Variants in ELF1 observed in about 807,000 individuals in gnomAD.
The protein encoded by ELF1 is ETS-related transcription factor Elf-1.
A neutral mutation model predicts 59.9 loss-of-function variants in ELF1; 24 were observed. The observed-to-expected ratio is 0.40, with a 90% CI of 0.29 to 0.56. The LOEUF (loss-of-function observed/expected upper bound fraction) is 0.56. ELF1 is among the 20% of genes least tolerant of loss of function. The pLI, the probability that ELF1 is intolerant of heterozygous loss-of-function variation, is 0.44. For missense variants in ELF1, 627 were observed against 742.2 expected (o/e 0.84, Z 1.80); for synonymous variants, 248 against 266.2 (o/e 0.93, Z 0.67).
Position 40,968,335 on chromosome 13 carries a change from G to A in ELF1, c.73-9319C>T, listed in dbSNP as rs1186411217. Among the ~76,000 whole-genome samples the A allele has an allele frequency of 5.3e-5, 8 of 152,264 alleles. 1 individual carries two copies. In the East Asian group the frequency reaches 1.5e-3, roughly 29 times the overall value. The stretch of plus-strand genomic sequence containing the variant: ...ATAAACACACACAAAAAATTAGGGT[G>A]ACTGGTGAACAAAGTGAAAAGTTGA... On this transcript the variant is annotated intron_variant, in intron 2 of 8. Transcript: ENST00000239882.
upstream of ELF1, among the ~76,000 whole-genome samples, chr13:41,023,165 A>T (rs1392660960): frequency 6.6e-6 from 1 of 152,232 alleles, no homozygotes; most frequent in African/African-American, 2.4e-5. Flanking sequence ...ACTAAATTTC[A>T]GATACTATTT....
In ELF1 at chr13:40,980,683, A is replaced by G. The variant is rs1257328070; in HGVS notation, c.72+1300T>C. ...CCTGAGATCAAACCTCACCACATCA[A>G]GCCTAGCATCTATATACAGCATCTT... is the stretch of plus-strand genomic sequence containing the variant. On this transcript the variant is annotated intron_variant, in intron 2 of 8. Transcript: ENST00000239882. Among the ~76,000 whole-genome samples, 3 of 152,188 alleles carry G rather than the reference A, an allele frequency of 2.0e-5. No homozygotes were observed. In the South Asian group the frequency reaches 6.2e-4, roughly 32 times the overall value.
chr13:40,983,786 C>T (rs191047571), intron 1 of ELF1, among the ~76,000 whole-genome samples: 2 of 152,134 alleles, frequency 1.3e-5, no homozygotes. Flanking sequence ...AATTATTATC[C>T]AACCCAATTC....
At position 40,964,514 on chromosome 13, in the gene ELF1, G is replaced by A. The variant is rs976154304; in HGVS notation, c.73-5498C>T. 7.9e-4 allele frequency among the ~76,000 whole-genome samples: 3 copies of A among 3,782 alleles called. No homozygotes were observed. The Non-Finnish European group carries it at 0.016, about 20-fold the overall frequency. 2.5% of individuals were successfully genotyped at this position (3,782 alleles called of 152,430 possible). A position where few individuals can be genotyped will look rare whatever the true frequency, so the allele number is the denominator to read the frequency against. ...CCAAATCCAACTCCACTCACCCCCC[G>A]ACTTTTTTTAATTGAGACAGGATGG... is the stretch of plus-strand genomic sequence containing the variant. On this transcript the variant is annotated intron_variant, in intron 2 of 8. Transcript: ENST00000239882.
At chr13:41,056,050 T>A (rs1877276142) in intron 1 of ELF1, among the ~76,000 whole-genome samples, 1 of 152,202 alleles carries the variant, frequency 6.6e-6, no homozygotes, top group South Asian at 2.1e-4. Flanking sequence ...CTATTTAAAG[T>A]GTACACTTCA....
chr13:41,058,855 C>G (rs902985996), intron 1 of ELF1, among the ~76,000 whole-genome samples: 1 of 152,178 alleles, frequency 6.6e-6, no homozygotes, highest in Non-Finnish European at 1.5e-5. Context: ...TGTCTGTAGT[C>G]CCAGCTACTT....
At chr13:41,016,485 A>C (rs1046417990) in intron 1 of ELF1, among the ~76,000 whole-genome samples, 19 of 152,204 alleles carry the variant, frequency 1.2e-4, no homozygotes, top group Non-Finnish European at 2.8e-4. Context: ...TCTTATAATA[A>C]GGTCAAATTT....
At chr13:40,993,246 G>A in intron 1 of ELF1, 1 of 1,578,634 alleles carries the variant, frequency 6.3e-7, no homozygotes, top group Non-Finnish European at 8.7e-7. Flanking sequence ...ACCAACAAAA[G>A]CAACAGATGT....
chr13:40,943,893 G>C lies in ELF1; in HGVS notation c.562C>G (p.Pro188Ala), dbSNP rs757378602. The C allele has an allele frequency of 5.6e-6, 9 of 1,613,654 alleles. No homozygotes were observed. The South Asian group carries it at 8.8e-5, about 16-fold the overall frequency. ...ACAGATATATTTGGCGTAGTGGCTG[G>C]GGAATCTGGTCGTGGTGGTTTAGTT... is the stretch of plus-strand genomic sequence containing the variant. ...RKTKPPRPDS[P>A]ATTPNISVKK... The change falls in exon 6 of 9, where the codon CCA becomes GCA. Residue 188 changes from proline (P) to alanine (A), a missense_variant. Around this residue, in one of 3 missense-constraint regions of ELF1, gnomAD observed 232 missense variants for 269.2 expected, o/e 0.86. Coordinates refer to ENST00000239882, the MANE Select transcript of ELF1 (RefSeq NM_172373.4).
chr13:40,989,834 A>C (rs1477847450), intron 1 of ELF1, among the ~76,000 whole-genome samples: 1 of 152,212 alleles, frequency 6.6e-6, no homozygotes, highest in Non-Finnish European at 1.5e-5. Flanking sequence ...GATTCTAGGA[A>C]GGGGGAATTT....
At chr13:40,945,552 A>G (rs1405162694) in intron 5 of ELF1, among the ~76,000 whole-genome samples, 1 of 152,172 alleles carries the variant, frequency 6.6e-6, no homozygotes, top group African/African-American at 2.4e-5. Flanking sequence ...TTTACCAACA[A>G]TGCATTTAGG....
chr13:40,939,428 G>T (rs773241675), intron 8 of ELF1, among the ~76,000 whole-genome samples: 3 of 152,024 alleles, frequency 2.0e-5, no homozygotes, highest in Non-Finnish European at 4.4e-5. Context: ...AGAATATTTT[G>T]AATACAGATG....
rs142791730 is a variant in ELF1, at chr13:40,962,594, G to C, written c.73-3578C>G. On this transcript the variant is annotated intron_variant, in intron 2 of 8. Coordinates refer to ENST00000239882, the MANE Select transcript of ELF1 (RefSeq NM_172373.4). ...CCAGCTACTTAGGAGGGTGAGGCAGGGGAATGGCTTGAACCTGGGAGGCGG... is the reference window on the plus strand; with the variant it reads ...CCAGCTACTTAGGAGGGTGAGGCAGCGGAATGGCTTGAACCTGGGAGGCGG... Among the ~76,000 whole-genome samples the C allele has an allele frequency of 1.9e-3, 284 of 151,988 alleles. 1 individual carries two copies. Among genetic ancestry groups the C allele is most frequent in the African/African-American group, 6.6e-3 (272 of 41,442 alleles).
At chr13:41,052,315 A>C (rs530169359) in intron 1 of ELF1, among the ~76,000 whole-genome samples, 1 of 152,292 alleles carries the variant, frequency 6.6e-6, no homozygotes, top group African/African-American at 2.4e-5. Context: ...CACTTCCATT[A>C]ATCCTGAAAT....
Position 40,981,979 on chromosome 13 carries a change from A to G in ELF1, c.72+4T>C. ...TAAAATGAAATTTTCTCTGAATCTC[A>G]TACCTGTCGTTCATCCTCCATGACG... On this transcript the variant is annotated splice_donor_region_variant and intron_variant, in intron 2 of 8. Coordinates refer to ENST00000239882, the MANE Select transcript of ELF1 (RefSeq NM_172373.4). The G allele has an allele frequency of 6.2e-7, 1 of 1,604,896 alleles. No individual in the cohort carries two copies. Among genetic ancestry groups the G allele is most frequent in the African/African-American group, 1.3e-5 (1 of 74,676 alleles).
chr13:40,958,204 T>C (rs953217288), intron 3 of ELF1, among the ~76,000 whole-genome samples: 1 of 152,210 alleles, frequency 6.6e-6, no homozygotes, highest in African/African-American at 2.4e-5. Context: ...TGTAGCCTAA[T>C]CTTCAAGTTT....
At chr13:41,036,103 A>G (rs1404297287) in intron 1 of ELF1, among the ~76,000 whole-genome samples, 1 of 151,738 alleles carries the variant, frequency 6.6e-6, no homozygotes, top group Admixed American at 6.6e-5. Context: ...TTTTTAGTAG[A>G]GACAGGATTT....
intron 1 of ELF1, among the ~76,000 whole-genome samples, chr13:41,044,241 A>C (rs914636363): frequency 8.5e-5 from 13 of 152,216 alleles, no homozygotes; most frequent in African/African-American, 1.2e-4. Flanking sequence ...GTCATCTGCA[A>C]AGAGGGCCAA....
chr13:41,026,810 T>G (rs575995321), intron 1 of ELF1, among the ~76,000 whole-genome samples: 1 of 152,192 alleles, frequency 6.6e-6, no homozygotes, highest in Non-Finnish European at 1.5e-5. Flanking sequence ...TGGGCCTGCG[T>G]AGGTCCTAAA....
Sources: allele counts gnomAD v4.1 joint callset (sites outside exome capture counted in the v4.1 genomes callset), GRCh38; gene constraint gnomAD v4.1.1; regional missense constraint gnomAD v4.1.1; transcripts MANE v1.5; gene names NCBI Gene and HGNC (gene_info 2026-07-23, HGNC 2026-07-21).